ADAM15: variants seen among roughly 807,000 people sequenced by gnomAD.
The protein encoded by ADAM15 is ADAM metallopeptidase domain 15, also known as disintegrin and metalloproteinase domain-containing protein 15.
A neutral mutation model predicts 113.8 loss-of-function variants in ADAM15; 77 were observed. The observed-to-expected ratio is 0.68, with a 90% CI of 0.56 to 0.82. The LOEUF (loss-of-function observed/expected upper bound fraction) is 0.82. ADAM15 is among the 40% of genes least tolerant of loss of function. ADAM15 has a pLI of 0.00. For synonymous variants in ADAM15, 388 were observed against 454.1 expected (o/e 0.85, Z 1.85); for missense variants, 963 against 1,120.1 (o/e 0.86, Z 2.00).
intron 19 of ADAM15, 140 bp from the exon 20 acceptor site, chr1:155,061,275 G>A: frequency 1.6e-6 from 1 of 620,490 alleles, no homozygotes; most frequent in Non-Finnish European, 2.9e-6. Context: ...CCACCTGCAT[G>A]CACCTGCATA....
chr1:155,053,119 C>T (rs993515639), intron 2 of ADAM15, among the ~76,000 whole-genome samples: 2 of 134,810 alleles, frequency 1.5e-5, no homozygotes, highest in Non-Finnish European at 1.6e-5. Flanking sequence ...CCCCCCCCCC[C>T]CACCCCATTC....
intron 6 of ADAM15, 86 bp from the exon 7 acceptor site, chr1:155,055,704 T>C: frequency 2.1e-6 from 3 of 1,429,016 alleles, no homozygotes; most frequent in Non-Finnish European, 9.9e-7. Flanking sequence ...ACCCACAGAG[T>C]AGGAGTGGCT....
Position 155,051,407 on chromosome 1 carries a change from G to A in ADAM15, c.21G>A (p.Trp7Ter). MRLALL[W>*]ALGLLGAGSP... ...CTGCCATGCGGCTGGCGCTGCTCTGGGCCCTGGGGCTCCTGGGCGCGGGCA... is the reference window on the plus strand; with the variant it reads ...CTGCCATGCGGCTGGCGCTGCTCTGAGCCCTGGGGCTCCTGGGCGCGGGCA... The change falls in exon 1 of 23, where the codon TGG (tryptophan) becomes TGA (stop). Residue 7 changes from tryptophan (W) to a stop codon, truncating the protein, a stop_gained. Coordinates refer to ENST00000356955, the MANE Select transcript of ADAM15 (RefSeq NM_207197.3). LOFTEE classifies it high-confidence loss of function. 1.3e-6 allele frequency: 2 copies of A among 1,555,118 alleles called. No individual in the cohort carries two copies. The highest frequency in any genetic ancestry group is 1.7e-6 in the Non-Finnish European group (2 of 1,155,554).
At chr1:155,061,693 G>A (rs375882795) in intron 20 of ADAM15, 3 of 765,542 alleles carry the variant, frequency 3.9e-6, no homozygotes, top group African/African-American at 1.8e-5. Context: ...GGTCAATGGC[G>A]GGACTGCAGT....
chr1:155,061,914 C>T lies in ADAM15; in HGVS notation c.2363C>T (p.Ala788Val), dbSNP rs1662682587. Residue 788 changes from alanine (A) to valine (V), a missense_variant, in exon 21 of 23, where the codon GCT (alanine) becomes GTT (valine). Transcript: ENST00000356955. Reference protein sequence around the residue: ...PVSKRLQAELADRPNPPTRPL... With the variant: ...PVSKRLQAELVDRPNPPTRPL... ...CCTCTCTCTGTTCAGGCTGAGCTGGCTGACCGACCCAATCCCCCTACCCGC... is the reference window on the plus strand; with the variant it reads ...CCTCTCTCTGTTCAGGCTGAGCTGGTTGACCGACCCAATCCCCCTACCCGC... 1.3e-6 allele frequency: 2 copies of T among 1,539,874 alleles called. No homozygotes were observed. Among genetic ancestry groups the T allele is most frequent in the Admixed American group, 2.1e-5 (1 of 48,496 alleles).
In ADAM15 at chr1:155,057,457, A is replaced by C. The variant is rs895447243; in HGVS notation, c.1323+95A>C. On this transcript the variant is annotated intron_variant, in intron 12 of 22. Coordinates refer to ENST00000356955, the MANE Select transcript of ADAM15 (RefSeq NM_207197.3). This position sits in a 1 kb window ranked among gnomAD's most constrained non-coding sequence, Gnocchi z 5.0. Reference sequence around the variant, plus strand: ...CAGCCTCCTGAGCTCTTGGGTTCTGAAGGGACTTTCCACCCCTCTCCTACT... The same window carrying C: ...CAGCCTCCTGAGCTCTTGGGTTCTGCAGGGACTTTCCACCCCTCTCCTACT... 16 of 1,554,010 alleles carry C rather than the reference A, an allele frequency of 1.0e-5. No individual in the cohort carries two copies. The highest frequency in any genetic ancestry group is 1.2e-5 in the Non-Finnish European group (14 of 1,139,630).
intron 6 of ADAM15, among the ~76,000 whole-genome samples, chr1:155,055,156 A>T (rs1661587195): frequency 6.6e-6 from 1 of 152,054 alleles, no homozygotes; most frequent in Non-Finnish European, 1.5e-5. Context: ...TATAGATGTA[A>T]AGTGCTTAAA....
At position 155,062,220 on chromosome 1, in the gene ADAM15, C is replaced by T; in HGVS notation, c.2425-25C>T. On this transcript the variant is annotated intron_variant, in intron 21 of 22. Transcript: ENST00000356955. This position sits in a 1 kb window ranked among gnomAD's most constrained non-coding sequence, Gnocchi z 7.0. ...CAACATGACACCCCCCCACCTAAGC[C>T]GGCCTCCTGCCTTCTCTCCCTCAGT... 1.4e-6 allele frequency: 2 copies of T among 1,446,872 alleles called. No homozygotes were observed. The highest frequency in any genetic ancestry group is 1.8e-6 in the Non-Finnish European group (2 of 1,097,066). 89.6% of individuals were successfully genotyped at this position (1,446,872 alleles called of 1,614,324 possible).
At position 155,062,773 on chromosome 1, in the gene ADAM15, G is replaced by A. The variant is rs1662821460; in HGVS notation, c.*271G>A. 2.3e-6 allele frequency: 1 copy of A among 426,946 alleles called. No homozygotes were observed. Among genetic ancestry groups the A allele is most frequent in the East Asian group, 3.7e-5 (1 of 26,926 alleles). The allele number at this position is 426,946 out of a possible 1,614,324, so 26.4% of individuals were successfully genotyped here. On this transcript the variant is annotated 3_prime_UTR_variant, in exon 23 of 23. Coordinates refer to ENST00000356955, the MANE Select transcript of ADAM15 (RefSeq NM_207197.3). This position sits in a 1 kb window ranked among gnomAD's most constrained non-coding sequence, Gnocchi z 7.0. ...GCAATAAACGTGACATCTTGGGAGC[G>A]TTCCCCAGAGTTTGTCTGCTTCTAG...
In ADAM15 at chr1:155,056,922, C is replaced by T. The variant is rs1661837202; in HGVS notation, c.1000-31C>T. ...GCATTGTGGTGGAGGCAGGCTGGGA[C>T]TGGACCTACAGTACCCCTCCCCAAT... On this transcript the variant is annotated intron_variant, in intron 10 of 22. Transcript: ENST00000356955. This position sits in a 1 kb window ranked among gnomAD's most constrained non-coding sequence, Gnocchi z 4.0. The T allele has an allele frequency of 2.6e-6, 4 of 1,530,276 alleles. No homozygotes were observed. In the East Asian group the frequency reaches 6.8e-5, roughly 26 times the overall value. 94.8% of individuals were successfully genotyped at this position (1,530,276 alleles called of 1,614,324 possible).
At position 155,058,191 on chromosome 1, in the gene ADAM15, T is replaced by G; in HGVS notation, c.1721+36T>G. 1 of 1,611,754 alleles carries G rather than the reference T, an allele frequency of 6.2e-7. No individual in the cohort carries two copies. The highest frequency in any genetic ancestry group is 8.5e-7 in the Non-Finnish European group (1 of 1,178,482). Reference sequence around the variant, plus strand: ...AAACCTGGCTCCTCCTTTGGGTTTCTGAGAGCCTTGGCCCTGCTCCTACTA... The same window carrying G: ...AAACCTGGCTCCTCCTTTGGGTTTCGGAGAGCCTTGGCCCTGCTCCTACTA... On this transcript the variant is annotated intron_variant, in intron 14 of 22. Transcript: ENST00000356955. This position sits in a 1 kb window ranked among gnomAD's most constrained non-coding sequence, Gnocchi z 4.3.
At chr1:155,054,277 T>C (rs377390451) in intron 5 of ADAM15, 37 bp from the exon 6 acceptor site, 194 of 1,585,798 alleles carry the variant, frequency 1.2e-4, no homozygotes, top group Non-Finnish European at 1.6e-4. Context: ...GACCCAGGCA[T>C]GGAGCTGAAA....
rs200303141 is a variant in ADAM15 at position 155,058,714 on chromosome 1, G to T, written c.1922G>T (p.Cys641Phe). 6.2e-7 allele frequency: 1 copy of T among 1,613,576 alleles called. No individual in the cohort carries two copies. The highest frequency in any genetic ancestry group is 8.5e-7 in the Non-Finnish European group (1 of 1,179,742). The change falls in exon 16 of 23, where the codon TGT becomes TTT. Residue 641 changes from cysteine (C) to phenylalanine (F), a missense_variant. Transcript: ENST00000356955. This position sits in a 1 kb window ranked among gnomAD's most constrained non-coding sequence, Gnocchi z 4.3. ...PGTACGPGLV[C>F]IDHRCQRVDL... ...GCTCTTCTCTCCCTGGGTCAGGTGT[G>T]TATAGACCATCGATGCCAGCGTGTG...
chr1:155,057,128 G>C lies in ADAM15; in HGVS notation c.1148+27G>C. The stretch of plus-strand genomic sequence containing the variant: ...TAAGTAGCTGCAGGATGGAGAGAGG[G>C]TGTGGGGCAGGGGGCAGGGAGAGGC... On this transcript the variant is annotated intron_variant, in intron 11 of 22. Coordinates refer to ENST00000356955, the MANE Select transcript of ADAM15 (RefSeq NM_207197.3). The surrounding 1 kb of genome is among the most constrained non-coding windows in gnomAD (Gnocchi z 5.0). The C allele has an allele frequency of 6.3e-7, 1 of 1,576,752 alleles. No individual in the cohort carries two copies. Among genetic ancestry groups the C allele is most frequent in the Non-Finnish European group, 8.6e-7 (1 of 1,159,208 alleles).
chr1:155,062,459 G>C lies in ADAM15; in HGVS notation c.2550-1G>C, dbSNP rs1662791445. Reference sequence around the variant, plus strand: ...TTTTTTCTTGGCTTCCCGCAATCCAGACCAGCGCCACCGCCTCCGACAGTG... The same window carrying C: ...TTTTTTCTTGGCTTCCCGCAATCCACACCAGCGCCACCGCCTCCGACAGTG... On this transcript the variant is annotated splice_acceptor_variant, in intron 22 of 22. Coordinates refer to ENST00000356955, the MANE Select transcript of ADAM15 (RefSeq NM_207197.3). LOFTEE classifies it high-confidence loss of function. This position sits in a 1 kb window ranked among gnomAD's most constrained non-coding sequence, Gnocchi z 7.0. 6.2e-7 allele frequency: 1 copy of C among 1,613,214 alleles called. No individual in the cohort carries two copies. Among genetic ancestry groups the C allele is most frequent in the Admixed American group, 1.7e-5 (1 of 59,974 alleles).
In ADAM15 at chr1:155,058,722, C is replaced by T. The variant is rs751413137; in HGVS notation, c.1930C>T (p.His644Tyr). The change falls in exon 16 of 23, where the codon CAT becomes TAT. Residue 644 changes from histidine to tyrosine, a missense_variant. His to Tyr is a moderately conservative substitution (Grantham distance 83, BLOSUM62 2). Coordinates refer to ENST00000356955, the MANE Select transcript of ADAM15 (RefSeq NM_207197.3). This position sits in a 1 kb window ranked among gnomAD's most constrained non-coding sequence, Gnocchi z 4.3. ...CTCCCTGGGTCAGGTGTGTATAGAC[C>T]ATCGATGCCAGCGTGTGGATCTCCT... is the stretch of plus-strand genomic sequence containing the variant. The part of the protein sequence containing the change: ...ACGPGLVCID[H>Y]RCQRVDLLGA... 10 of 1,613,512 alleles carry T rather than the reference C, an allele frequency of 6.2e-6. No homozygotes were observed. Among genetic ancestry groups the T allele is most frequent in the Non-Finnish European group, 7.6e-6 (9 of 1,179,802 alleles).
Position 155,057,735 on chromosome 1 carries a change from T to C in ADAM15, c.1416+6T>C, listed in dbSNP as rs1558127628. ...CCTGTTGTCAAAATTGCCAGGTGGG[T>C]AGAGACTAGACTGGCCACCCGGAGC... On this transcript the variant is annotated splice_donor_region_variant and intron_variant, in intron 13 of 22. Transcript: ENST00000356955. This position sits in a 1 kb window ranked among gnomAD's most constrained non-coding sequence, Gnocchi z 5.0. 3 of 1,614,018 alleles carry C rather than the reference T, an allele frequency of 1.9e-6. No individual in the cohort carries two copies. The highest frequency in any genetic ancestry group is 2.5e-6 in the Non-Finnish European group (3 of 1,179,944).
rs1662392484 is a variant in ADAM15, at chr1:155,060,283, G to A, written c.2147G>A (p.Trp716Ter). 1.2e-6 allele frequency: 2 copies of A among 1,614,046 alleles called. No individual in the cohort carries two copies. Among genetic ancestry groups the A allele is most frequent in the Non-Finnish European group, 1.7e-6 (2 of 1,179,986 alleles). Residue 716 changes from tryptophan (W) to a stop codon, truncating the protein, a stop_gained, in exon 18 of 23, where the codon TGG becomes TAG. Transcript: ENST00000356955. LOFTEE classifies it high-confidence loss of function. ...LVLVMLGASYWYRARLHQRLC... is the reference protein window; with the variant it reads ...LVLVMLGASY ...CTGGTGATGCTTGGTGCCAGCTACTGGTACCGTGCCCGCCTGCACCAGCGA... is the reference window on the plus strand; with the variant it reads ...CTGGTGATGCTTGGTGCCAGCTACTAGTACCGTGCCCGCCTGCACCAGCGA...
chr1:155,054,598 C>T, intron 6 of ADAM15, 92 bp downstream of exon 6: 2 of 1,343,986 alleles, frequency 1.5e-6, no homozygotes, highest in Non-Finnish European at 2.0e-6. Context: ...ACAACAGCTC[C>T]TGCGAATGGA....
Sources: gnomAD v4.1 joint callset for allele counts (sites outside exome capture counted in the v4.1 genomes callset) on GRCh38, gnomAD v4.1.1 for gene constraint, Gnocchi (gnomAD v3.1) non-coding constraint, MANE v1.5 for transcripts, NCBI Gene and HGNC (gene_info 2026-07-23, HGNC 2026-07-21) for gene names.